The following KIAA0319L variants were observed in gnomAD, a reference collection of about 807,000 sequenced individuals.
KIAA0319L encodes the protein dyslexia-associated protein KIAA0319-like protein.
KIAA0319L carries 55 observed loss-of-function variants against 120.1 expected under a neutral mutation model. The ratio of observed to expected loss-of-function variants is 0.46; its 90% CI spans 0.37 to 0.57. KIAA0319L has a LOEUF of 0.57. KIAA0319L is among the 20% of genes least tolerant of loss of function. The pLI is 0.00. For missense variants in KIAA0319L, 1,049 were observed against 1,255.3 expected (o/e 0.84, Z 2.48); for synonymous variants, 398 against 471.9 (o/e 0.84, Z 2.03).
At chr1:35,519,928 G>T (rs115790907) in intron 2 of KIAA0319L, among the ~76,000 whole-genome samples, 1 of 152,100 alleles carries the variant, frequency 6.6e-6, no homozygotes, top group African/African-American at 2.4e-5. Flanking sequence ...AGTCATGGAT[G>T]AATCTGTTCT....
Position 35,456,254 on chromosome 1 carries a change from A to C in KIAA0319L, c.1428-13T>G. 6.6e-7 allele frequency: 1 copy of C among 1,508,688 alleles called. No homozygotes were observed. The highest frequency in any genetic ancestry group is 1.9e-5 in the Admixed American group (1 of 51,982). The allele number at this position is 1,508,688 out of a possible 1,614,324, so 93.5% of individuals were successfully genotyped here. A position where few individuals can be genotyped will look rare whatever the true frequency, so the allele number is the denominator to read the frequency against. ...TACTACAGTCAAGCTATCAGGGCAGAGAGAGGAGTGTGATCAGGGACGGGT... is the reference window on the plus strand; with the variant it reads ...TACTACAGTCAAGCTATCAGGGCAGCGAGAGGAGTGTGATCAGGGACGGGT... On this transcript the variant is annotated splice_polypyrimidine_tract_variant and intron_variant, in intron 9 of 20. Coordinates refer to ENST00000325722, the MANE Select transcript of KIAA0319L (RefSeq NM_024874.5).
Position 35,526,392 on chromosome 1 carries a change from T to TATATATATATATATACATAC in KIAA0319L, c.143-19258_143-19257insGTATGTATATATATATATAT, listed in dbSNP as rs1435078498. On this transcript the variant is annotated intron_variant, in intron 2 of 20. Coordinates refer to ENST00000325722, the MANE Select transcript of KIAA0319L (RefSeq NM_024874.5). The stretch of plus-strand genomic sequence containing the variant: ...ACATACATATATATATACATACATA[T>TATATATATATATATACATAC]ATATATATATATATATATACACACA... Among the ~76,000 whole-genome samples the TATATATATATATATACATAC allele has an allele frequency of 1.7e-4, 17 of 100,114 alleles. No homozygotes were observed. The East Asian group carries it at 0.011, about 62-fold the overall frequency. 65.7% of individuals were successfully genotyped at this position (100,114 alleles called of 152,430 possible).
chr1:35,550,417 TC>T (rs1647156800), intron 2 of KIAA0319L, among the ~76,000 whole-genome samples: 1 of 152,110 alleles, frequency 6.6e-6, no homozygotes, highest in Non-Finnish European at 1.5e-5. Context: ...TGACTCAGGC[TC>T]CCACCAATAG....
chr1:35,513,283 TATA>T lies in KIAA0319L; in HGVS notation c.143-6151_143-6149del, dbSNP rs1460315002. On this transcript the variant is annotated intron_variant, in intron 2 of 20. Transcript: ENST00000325722. ...TCTATATAACATATATATATATATA[TATA>T]TATTTTTTTTTTTTTTTTTTTCTGT... 1.1e-3 allele frequency among the ~76,000 whole-genome samples: 108 copies of T among 100,026 alleles called. 1 individual carries two copies. The highest frequency in any genetic ancestry group is 6.9e-3 in the East Asian group (23 of 3,314). 65.6% of individuals were successfully genotyped at this position (100,026 alleles called of 152,430 possible).
In KIAA0319L at chr1:35,444,222, A is replaced by T. The variant is rs1194942798; in HGVS notation, c.2595T>A (p.Ser865Arg). The T allele has an allele frequency of 1.2e-6, 2 of 1,609,676 alleles. No individual in the cohort carries two copies. The highest frequency in any genetic ancestry group is 1.3e-5 in the African/African-American group (1 of 74,740). Residue 865 changes from serine to arginine, a missense_variant, in exon 17 of 21, where the codon AGT becomes AGA. Physicochemically the swap from Ser to Arg is moderately radical, Grantham distance 110. Transcript: ENST00000325722. ...AGTCTGCCTTTTGCTTCCGCAGCTC[A>T]CTCTTGAGCATCGCTGCCACCTCAT... The part of the protein sequence containing the change: ...KGHEVAAMLK[S>R]ELRKQKADFL...
Position 35,451,771 on chromosome 1 carries a change from G to A in KIAA0319L, c.1919C>T (p.Pro640Leu), listed in dbSNP as rs1367301241. 1.2e-6 allele frequency: 2 copies of A among 1,613,802 alleles called. No homozygotes were observed. Among genetic ancestry groups the A allele is most frequent in the African/African-American group, 1.3e-5 (1 of 74,964 alleles). ...ISYLWEKTQG[P>L]DGVQLENANS... is the part of the protein sequence containing the mutation. ...AGCATTCTCGAGCTGCACCCCATCAGGTCCCCTGCAAAAAAAGAAACTAGA... is the reference window on the plus strand; with the variant it reads ...AGCATTCTCGAGCTGCACCCCATCAAGTCCCCTGCAAAAAAAGAAACTAGA... The change falls in exon 13 of 21, where the codon CCT (proline) becomes CTT (leucine). Residue 640 changes from proline (P) to leucine (L), a missense_variant. By Grantham distance (98) the Pro-to-Leu change is moderately conservative (BLOSUM62 -3). Transcript: ENST00000325722.
intron 2 of KIAA0319L, among the ~76,000 whole-genome samples, chr1:35,541,311 G>C (rs1246914229): frequency 6.7e-6 from 1 of 150,258 alleles, no homozygotes; most frequent in Admixed American, 6.6e-5. Flanking sequence ...AGGAAGCACA[G>C]GACAAACTCT....
At chr1:35,533,275 A>G (rs1646442816) in intron 2 of KIAA0319L, 1 of 152,222 alleles carries the variant, frequency 6.6e-6, no homozygotes. Context: ...TTCAGGAGTC[A>G]TACTGTTAGT....
intron 3 of KIAA0319L, among the ~76,000 whole-genome samples, chr1:35,492,652 C>T (rs772583992): frequency 8.6e-5 from 13 of 151,966 alleles, no homozygotes; most frequent in Admixed American, 3.9e-4. Flanking sequence ...CAAAAAAAAT[C>T]ATCTCAATAG....
chr1:35,458,628 C>A (rs1251806829), intron 9 of KIAA0319L, among the ~76,000 whole-genome samples: 1 of 152,178 alleles, frequency 6.6e-6, no homozygotes, highest in East Asian at 1.9e-4. Context: ...TACTTAAACT[C>A]TTTGTGCCAA....
chr1:35,443,210 CAGG>C (rs1318000077), intron 17 of KIAA0319L, 182 bp from the exon 18 acceptor site: 1 of 611,188 alleles, frequency 1.6e-6, no homozygotes, highest in African/African-American at 1.8e-5. Context: ...CTGGAGCAGT[CAGG>C]AGGCCACTAG....
At position 35,461,638 on chromosome 1, in the gene KIAA0319L, CTG is replaced by C. The variant is rs1202667641; in HGVS notation, c.1294+981_1294+982del. ...ATAAAATAATAACACCATTGACTGT[CTG>C]GAGGAAAACCGGACACTTAGGACAC... On this transcript the variant is annotated intron_variant, in intron 8 of 20. Coordinates refer to ENST00000325722, the MANE Select transcript of KIAA0319L (RefSeq NM_024874.5). Among the ~76,000 whole-genome samples, 14 of 152,306 alleles carry C rather than the reference CTG, an allele frequency of 9.2e-5. No individual in the cohort carries two copies. The South Asian group carries it at 2.3e-3, about 25-fold the overall frequency.
chr1:35,483,328 A>C (rs1243817853), intron 3 of KIAA0319L, among the ~76,000 whole-genome samples: 3 of 152,360 alleles, frequency 2.0e-5, no homozygotes, highest in Admixed American at 6.5e-5. Context: ...AAGCAAGATC[A>C]CAAAAATGTT....
chr1:35,470,049 G>A (rs946263223), intron 6 of KIAA0319L, among the ~76,000 whole-genome samples: 8 of 151,924 alleles, frequency 5.3e-5, no homozygotes, highest in Admixed American at 3.9e-4. Flanking sequence ...TTAATTTTTT[G>A]TAGAGACAGG....
In KIAA0319L at chr1:35,441,277, G is replaced by C. The variant is rs1641196967; in HGVS notation, c.2871-139C>G. ...TGTCCTCTCCTCACTTCTCAGCCAG[G>C]AAAGGTGGCAACTGTGATTTGTTCC... is the stretch of plus-strand genomic sequence containing the variant. On this transcript the variant is annotated intron_variant, in intron 19 of 20. Coordinates refer to ENST00000325722, the MANE Select transcript of KIAA0319L (RefSeq NM_024874.5). 1.3e-5 allele frequency: 9 copies of C among 718,704 alleles called. No homozygotes were observed. The South Asian group carries it at 1.4e-4, about 11-fold the overall frequency. The allele number at this position is 718,704 out of a possible 1,614,324, so 44.5% of individuals were successfully genotyped here. A position where few individuals can be genotyped will look rare whatever the true frequency, so the allele number is the denominator to read the frequency against.
intron 3 of KIAA0319L, among the ~76,000 whole-genome samples, chr1:35,493,309 T>C (rs184234194): frequency 3.3e-5 from 5 of 152,112 alleles, no homozygotes; most frequent in Admixed American, 1.3e-4. Flanking sequence ...ATATATGAAA[T>C]ACACAAATAT....
chr1:35,494,818 A>C (rs982490177), intron 3 of KIAA0319L, among the ~76,000 whole-genome samples: 1 of 152,198 alleles, frequency 6.6e-6, no homozygotes, highest in African/African-American at 2.4e-5. Flanking sequence ...CTCAAAAAAG[A>C]AAGCTACAGT....
chr1:35,472,700 C>T (rs1201968353), intron 5 of KIAA0319L, among the ~76,000 whole-genome samples: 1 of 152,136 alleles, frequency 6.6e-6, no homozygotes. Context: ...CACCCCCAAC[C>T]TTTGGAAGTT....
intron 16 of KIAA0319L, among the ~76,000 whole-genome samples, chr1:35,445,645 T>TAAA (rs1641566563): frequency 6.6e-6 from 1 of 152,212 alleles, no homozygotes; most frequent in South Asian, 2.1e-4. Flanking sequence ...ACTAGTATTT[T>TAAA]CACAGATAGT....
Sources: gnomAD v4.1 joint callset for allele counts (sites outside exome capture counted in the v4.1 genomes callset) on GRCh38, gnomAD v4.1.1 for gene constraint, MANE v1.5 for transcripts, NCBI Gene and HGNC (gene_info 2026-07-23, HGNC 2026-07-21) for gene names.